The following NRXN1 variants were observed in gnomAD, a reference collection of about 807,000 sequenced individuals.
The protein encoded by NRXN1 is neurexin 1, also known as neurexin-1.
Under a neutral mutation model 150.9 loss-of-function variants are expected in NRXN1, and 39 were observed. The ratio of observed to expected loss-of-function variants is 0.26; its 90% CI spans 0.20 to 0.34. The LOEUF (loss-of-function observed/expected upper bound fraction) is 0.34. Ranked by LOEUF, NRXN1 falls within the 10% of genes least tolerant of loss-of-function variation. NRXN1 has a pLI of 1.00. For synonymous variants in NRXN1, 924 were observed against 757.0 expected (o/e 1.22, Z -3.62); for missense variants, 1,815 against 1,949.9 (o/e 0.93, Z 1.30).
intron 5 of NRXN1, among the ~76,000 whole-genome samples, chr2:50,803,602 G>A (rs530291920): frequency 6.6e-6 from 1 of 152,156 alleles, no homozygotes; most frequent in Non-Finnish European, 1.5e-5. Flanking sequence ...CTCTTCCTTG[G>A]CAGAAAAAAT....
intron 18 of NRXN1, among the ~76,000 whole-genome samples, chr2:50,212,156 A>T (rs1574516790): frequency 6.6e-6 from 1 of 151,806 alleles, no homozygotes; most frequent in African/African-American, 2.4e-5. Flanking sequence ...CAAATTTATA[A>T]TTGAAAAACA....
intron 17 of NRXN1, among the ~76,000 whole-genome samples, chr2:50,408,681 GTCT>G (rs2082923943): frequency 6.6e-6 from 1 of 152,116 alleles, no homozygotes; most frequent in South Asian, 2.1e-4. Flanking sequence ...CTGTGTGTGC[GTCT>G]GTGTCTGTTT....
chr2:50,393,594 A>G (rs543293105), intron 17 of NRXN1, among the ~76,000 whole-genome samples: 32 of 152,298 alleles, frequency 2.1e-4, no homozygotes, highest in African/African-American at 7.2e-4. Flanking sequence ...AACTTGAGAT[A>G]GAATGTATAT....
At chr2:50,102,269 A>G (rs1385548126) in intron 18 of NRXN1, among the ~76,000 whole-genome samples, 1 of 152,126 alleles carries the variant, frequency 6.6e-6, no homozygotes, top group East Asian at 1.9e-4. Flanking sequence ...AATATTTATC[A>G]AGTGCCTTTT....
At chr2:50,273,706 T>A (rs947326183) in intron 17 of NRXN1, among the ~76,000 whole-genome samples, 2 of 152,152 alleles carry the variant, frequency 1.3e-5, no homozygotes, top group African/African-American at 4.8e-5. Context: ...CCAAAGTCCA[T>A]GTTAATTCCA....
intron 17 of NRXN1, among the ~76,000 whole-genome samples, chr2:50,301,830 C>T (rs987256133): frequency 6.6e-6 from 1 of 152,122 alleles, no homozygotes; most frequent in Non-Finnish European, 1.5e-5. Flanking sequence ...TACTAAGTGC[C>T]AGGGACCAAA....
intron 15 of NRXN1, among the ~76,000 whole-genome samples, chr2:50,482,604 G>C (rs1001389211): frequency 2.0e-5 from 3 of 152,084 alleles, no homozygotes; most frequent in African/African-American, 7.2e-5. Context: ...CATAAACAGT[G>C]CAGTTTGAAA....
At chr2:50,438,249 C>A (rs902371255) in intron 17 of NRXN1, among the ~76,000 whole-genome samples, 1 of 152,098 alleles carries the variant, frequency 6.6e-6, no homozygotes, top group Non-Finnish European at 1.5e-5. Context: ...GTACAAGAAC[C>A]CTGAGTTTTT....
At chr2:50,435,317 A>T (rs947414958) in intron 17 of NRXN1, among the ~76,000 whole-genome samples, 1 of 152,188 alleles carries the variant, frequency 6.6e-6, no homozygotes, top group Non-Finnish European at 1.5e-5. Flanking sequence ...AAATGTAAAC[A>T]TGTATGTGAA....
intron 12 of NRXN1, among the ~76,000 whole-genome samples, chr2:50,518,090 T>C (rs899902359): frequency 2.0e-5 from 3 of 152,246 alleles, no homozygotes; most frequent in African/African-American, 4.8e-5. Flanking sequence ...ATATCTCTTA[T>C]GTAAATATAT....
chr2:50,343,721 TGAA>T (rs1320328809), intron 17 of NRXN1, among the ~76,000 whole-genome samples: 1 of 152,052 alleles, frequency 6.6e-6, no homozygotes, highest in Non-Finnish European at 1.5e-5. Flanking sequence ...GATGAGAAAA[TGAA>T]GAAGAATGAA....
chr2:50,131,934 GA>G (rs1037291821), intron 18 of NRXN1, among the ~76,000 whole-genome samples: 50 of 152,152 alleles, frequency 3.3e-4, no homozygotes, highest in Middle Eastern at 3.4e-3. Context: ...AAGTATGGGG[GA>G]AAAAAAGTTA....
At chr2:50,565,940 C>T (rs748616408) in intron 8 of NRXN1, among the ~76,000 whole-genome samples, 1 of 152,144 alleles carries the variant, frequency 6.6e-6, no homozygotes. Context: ...TCTGGCAATA[C>T]TGGCTTATTG....
At chr2:50,598,707 C>CAT (rs1179374561) in intron 8 of NRXN1, among the ~76,000 whole-genome samples, 1 of 139,310 alleles carries the variant, frequency 7.2e-6, no homozygotes, top group African/African-American at 2.8e-5. Flanking sequence ...TATATATATA[C>CAT]ATATATATGT....
At chr2:50,451,788 G>A (rs1223699208) in intron 17 of NRXN1, among the ~76,000 whole-genome samples, 1 of 152,252 alleles carries the variant, frequency 6.6e-6, no homozygotes, top group East Asian at 1.9e-4. Context: ...CTTAAGTACA[G>A]TTTTTGTAAA....
In NRXN1 at chr2:50,706,727, T is replaced by A. The variant is rs960953745; in HGVS notation, c.833-83112A>T. Among the ~76,000 whole-genome samples, 7 of 152,098 alleles carry A rather than the reference T, an allele frequency of 4.6e-5. No individual in the cohort carries two copies. The East Asian group carries it at 1.3e-3, about 29-fold the overall frequency. On this transcript the variant is annotated intron_variant, in intron 5 of 22. Coordinates refer to ENST00000401669, the MANE Select transcript of NRXN1 (RefSeq NM_001330078.2). ...ATAAAATGTTATTGTTAAATGGGAA[T>A]CTTATCAATGACCGGTGCATTTTTA...
intron 18 of NRXN1, among the ~76,000 whole-genome samples, chr2:50,204,530 T>C (rs2062425547): frequency 6.6e-6 from 1 of 152,062 alleles, no homozygotes; most frequent in Admixed American, 6.6e-5. Flanking sequence ...TGCTGCTCCC[T>C]GGGTGCAGTG....
At chr2:50,067,626 A>C (rs1315649961) in intron 19 of NRXN1, among the ~76,000 whole-genome samples, 2 of 152,216 alleles carry the variant, frequency 1.3e-5, no homozygotes, top group Non-Finnish European at 2.9e-5. Flanking sequence ...CTAAAGAGTT[A>C]TTTTGTGCCA....
chr2:50,566,232 C>T (rs754945946), intron 8 of NRXN1, among the ~76,000 whole-genome samples: 3 of 151,878 alleles, frequency 2.0e-5, no homozygotes, highest in Admixed American at 1.3e-4. Flanking sequence ...TTAGCTTCTA[C>T]GTTGCCTGGT....
Sources: gnomAD v4.1 joint callset for allele counts (sites outside exome capture counted in the v4.1 genomes callset) on GRCh38, gnomAD v4.1.1 for gene constraint, MANE v1.5 for transcripts, NCBI Gene and HGNC (gene_info 2026-07-23, HGNC 2026-07-21) for gene names.